The following CACNA2D2 variants were observed in gnomAD, a reference collection of about 807,000 sequenced individuals.
CACNA2D2 encodes the protein calcium voltage-gated channel auxiliary subunit alpha2delta 2, also known as voltage-dependent calcium channel subunit alpha-2/delta-2.
Under a neutral mutation model 166.4 loss-of-function variants are expected in CACNA2D2, and 48 were observed. The observed-to-expected ratio is 0.29, with a 90% CI of 0.23 to 0.37. The LOEUF is 0.37. Ranked by LOEUF, CACNA2D2 falls within the 10% of genes least tolerant of loss-of-function variation. The pLI is 1.00. For synonymous variants in CACNA2D2, 561 were observed against 573.7 expected (o/e 0.98, Z 0.32); for missense variants, 1,122 against 1,433.0 (o/e 0.78, Z 3.50).
intron 2 of CACNA2D2, among the ~76,000 whole-genome samples, chr3:50,456,891 G>A (rs1268095888): frequency 6.6e-6 from 1 of 152,168 alleles, no homozygotes; most frequent in African/African-American, 2.4e-5. Context: ...AACACTCCTT[G>A]TGGCTCCCCC....
chr3:50,499,588 C>G (rs1029145989), intron 1 of CACNA2D2, among the ~76,000 whole-genome samples: 61 of 152,158 alleles, frequency 4.0e-4, no homozygotes, highest in African/African-American at 1.5e-3. Flanking sequence ...CTCCCAGGAG[C>G]TGGCAGTGTC....
At chr3:50,371,170 G>C (rs1704638622) in intron 22 of CACNA2D2, among the ~76,000 whole-genome samples, 1 of 152,128 alleles carries the variant, frequency 6.6e-6, no homozygotes, top group Non-Finnish European at 1.5e-5. Context: ...TGCTTCCCTT[G>C]GCTAAGGGCG....
Position 50,466,342 on chromosome 3 carries a change from C to T in CACNA2D2, c.288+9776G>A, listed in dbSNP as rs539084136. Reference sequence around the variant, plus strand: ...TTTCTCAGCTTTGCTAATTAATCAGCTAAGTAGTTCTCGCCTGCTCGGGTG... The same window carrying T: ...TTTCTCAGCTTTGCTAATTAATCAGTTAAGTAGTTCTCGCCTGCTCGGGTG... On this transcript the variant is annotated intron_variant, in intron 2 of 37. Coordinates refer to ENST00000424201, the MANE Select transcript of CACNA2D2 (RefSeq NM_006030.4). 3.9e-5 allele frequency among the ~76,000 whole-genome samples: 6 copies of T among 152,200 alleles called. No individual in the cohort carries two copies. In the South Asian group the frequency reaches 1.2e-3, roughly 32 times the overall value.
At chr3:50,416,484 G>A (rs1707268524) in intron 3 of CACNA2D2, among the ~76,000 whole-genome samples, 1 of 152,214 alleles carries the variant, frequency 6.6e-6, no homozygotes, top group Admixed American at 6.5e-5. Context: ...GAGCTCCACG[G>A]CGGGGTGACC....
intron 1 of CACNA2D2, among the ~76,000 whole-genome samples, chr3:50,487,064 C>T (rs543622512): frequency 2.0e-5 from 3 of 152,316 alleles, no homozygotes; most frequent in Admixed American, 6.5e-5. Context: ...GCCCACTTCA[C>T]GGATGAGCAC....
rs1467653913 is a variant in CACNA2D2, at chr3:50,364,877, C to A, written c.3291+11G>T. On this transcript the variant is annotated intron_variant, in intron 37 of 37. Transcript: ENST00000424201. ...CCGCGGGATTTCGGGTCCACCGCCC[C>A]CTCTCCTCACTGTCGCGTTGTAGTC... The A allele has an allele frequency of 5.0e-6, 8 of 1,613,406 alleles. No individual in the cohort carries two copies. Among genetic ancestry groups the A allele is most frequent in the Non-Finnish European group, 6.8e-6 (8 of 1,179,916 alleles).
In CACNA2D2 at chr3:50,375,647, T is replaced by C; in HGVS notation, c.1904A>G (p.Tyr635Cys). 6.2e-7 allele frequency: 1 copy of C among 1,610,380 alleles called. No individual in the cohort carries two copies. Among genetic ancestry groups the C allele is most frequent in the African/African-American group, 1.3e-5 (1 of 74,884 alleles). ...YTWVPIRSTN[Y>C]SLGLVLPPYS... ...GCCCAGCCCTGGCCTCACTTACCTG[T>C]AGTTAGTGCTCCTTATAGGCACCCA... Residue 635 changes from tyrosine to cysteine, a missense_variant, in exon 21 of 38, where the codon TAC (tyrosine) becomes TGC (cysteine). Tyr to Cys is a radical substitution (Grantham distance 194, BLOSUM62 -2). This residue lies in a region of CACNA2D2 where 840 missense variants were observed against 1,166.8 expected (regional missense o/e 0.72). Coordinates refer to ENST00000424201, the MANE Select transcript of CACNA2D2 (RefSeq NM_006030.4). The surrounding 1 kb of genome is among the most constrained non-coding windows in gnomAD (Gnocchi z 4.0).
At chr3:50,392,407 C>T (rs1354583304) in intron 4 of CACNA2D2, among the ~76,000 whole-genome samples, 1 of 152,144 alleles carries the variant, frequency 6.6e-6, no homozygotes, top group African/African-American at 2.4e-5. Flanking sequence ...GTGACTACAG[C>T]CCCACCCACC....
At position 50,403,134 on chromosome 3, in the gene CACNA2D2, G is replaced by T. The variant is rs933022683; in HGVS notation, c.406-8966C>A. Among the ~76,000 whole-genome samples the T allele has an allele frequency of 3.9e-5, 6 of 152,214 alleles. No homozygotes were observed. In the South Asian group the frequency reaches 1.2e-3, roughly 32 times the overall value. ...TGGGGAGCACTGCCCTCACCTCTCT[G>T]TACCTTGATCTCTCATCTATAACAG... On this transcript the variant is annotated intron_variant, in intron 3 of 37. Coordinates refer to ENST00000424201, the MANE Select transcript of CACNA2D2 (RefSeq NM_006030.4).
rs931208704 is a variant in CACNA2D2 at position 50,375,405 on chromosome 3, G to T, written c.1907+239C>A. On this transcript the variant is annotated intron_variant, in intron 21 of 37. Transcript: ENST00000424201. The surrounding 1 kb of genome is among the most constrained non-coding windows in gnomAD (Gnocchi z 4.0). ...GAGGCAGGCTGACAGCATGCCAAGG[G>T]CAGTATCCTGGGATGAGGAGACTTT... 6.6e-6 allele frequency among the ~76,000 whole-genome samples: 1 copy of T among 152,238 alleles called. No homozygotes were observed. The highest frequency in any genetic ancestry group is 2.4e-5 in the African/African-American group (1 of 41,454).
intron 2 of CACNA2D2, 85 bp from the exon 3 acceptor site, chr3:50,434,514 A>C: frequency 2.1e-6 from 2 of 954,808 alleles, no homozygotes; most frequent in Non-Finnish European, 1.7e-6. Flanking sequence ...TGCACAGCTC[A>C]CCTCAGCACA....
chr3:50,416,977 C>T (rs532435424), intron 3 of CACNA2D2, among the ~76,000 whole-genome samples: 1 of 152,320 alleles, frequency 6.6e-6, no homozygotes, highest in South Asian at 2.1e-4. Context: ...CTGCAGGTTC[C>T]ACATGGGGAC....
chr3:50,393,247 C>T (rs1158847616), intron 4 of CACNA2D2, among the ~76,000 whole-genome samples: 1 of 152,192 alleles, frequency 6.6e-6, no homozygotes, highest in Non-Finnish European at 1.5e-5. Context: ...TCAGGTCTGC[C>T]ACCCCCACCC....
chr3:50,365,532 C>T lies in CACNA2D2; in HGVS notation c.2972-50G>A. The T allele has an allele frequency of 6.2e-7, 1 of 1,604,058 alleles. No homozygotes were observed. On this transcript the variant is annotated intron_variant, in intron 34 of 37. Coordinates refer to ENST00000424201, the MANE Select transcript of CACNA2D2 (RefSeq NM_006030.4). The surrounding 1 kb of genome is among the most constrained non-coding windows in gnomAD (Gnocchi z 4.5). ...CTCCGCCCACAGACCCTGGCAAGGT[C>T]TCCGGCCTCCCTCAGTCGTAGACCC...
intron 3 of CACNA2D2, among the ~76,000 whole-genome samples, chr3:50,400,645 A>C (rs924869369): frequency 6.6e-6 from 1 of 152,214 alleles, no homozygotes; most frequent in Non-Finnish European, 1.5e-5. Flanking sequence ...TTACGTGCTG[A>C]GGGTGATGGA....
chr3:50,478,819 A>G (rs2107103701), intron 1 of CACNA2D2, among the ~76,000 whole-genome samples: 1 of 152,354 alleles, frequency 6.6e-6, no homozygotes, highest in East Asian at 1.9e-4. Context: ...GAAATAGGTC[A>G]TGGTGGGAAT....
intron 2 of CACNA2D2, among the ~76,000 whole-genome samples, chr3:50,454,166 C>T (rs1220714239): frequency 6.6e-6 from 1 of 152,230 alleles, no homozygotes; most frequent in Non-Finnish European, 1.5e-5. Context: ...ACCAGAGCTG[C>T]CCCTCAGCCA....
At chr3:50,422,881 T>C (rs1178021503) in intron 3 of CACNA2D2, among the ~76,000 whole-genome samples, 1 of 152,332 alleles carries the variant, frequency 6.6e-6, no homozygotes, top group Non-Finnish European at 1.5e-5. Flanking sequence ...GGGGGTCTTA[T>C]TTCAGAAGTA....
chr3:50,422,311 C>T (rs1270616357), intron 3 of CACNA2D2, among the ~76,000 whole-genome samples: 1 of 152,132 alleles, frequency 6.6e-6, no homozygotes, highest in Non-Finnish European at 1.5e-5. Flanking sequence ...TGGAGGCCGC[C>T]CTGGATTCTG....
Sources: gnomAD v4.1 joint callset for allele counts (sites outside exome capture counted in the v4.1 genomes callset) on GRCh38, gnomAD v4.1.1 for gene constraint, gnomAD v4.1.1 regional missense constraint, Gnocchi (gnomAD v3.1) non-coding constraint, MANE v1.5 for transcripts, NCBI Gene and HGNC (gene_info 2026-07-23, HGNC 2026-07-21) for gene names.